CYRIB: variants seen among roughly 807,000 people sequenced by gnomAD.
CYRIB encodes the protein CYFIP-related Rac1 interactor B.
A neutral mutation model predicts 44.2 loss-of-function variants in CYRIB; 8 were observed. That is an observed-to-expected ratio of 0.18 (90% confidence interval 0.11 to 0.33). The LOEUF (loss-of-function observed/expected upper bound fraction) is 0.33. Among genes scored for constraint, CYRIB ranks in the 10% least tolerant of loss-of-function variants. The pLI, the probability that CYRIB is intolerant of heterozygous loss-of-function variation, is 1.00. For missense variants in CYRIB, 185 were observed against 382.8 expected (o/e 0.48, Z 4.31); for synonymous variants, 131 against 127.2 (o/e 1.03, Z -0.20).
intron 1 of CYRIB, among the ~76,000 whole-genome samples, chr8:130,013,078 G>C (rs1441329754): frequency 6.6e-6 from 1 of 152,206 alleles, no homozygotes; most frequent in Non-Finnish European, 1.5e-5. Context: ...ACAGAGAGAT[G>C]AATCTGGCCT....
chr8:129,951,214 G>C (rs1043523912), intron 2 of CYRIB, among the ~76,000 whole-genome samples: 4 of 152,140 alleles, frequency 2.6e-5, no homozygotes, highest in Non-Finnish European at 5.9e-5. Flanking sequence ...TGGGGCGGGA[G>C]AATCACTTGA....
At chr8:129,860,855 G>A (rs531286722) in intron 5 of CYRIB, among the ~76,000 whole-genome samples, 2 of 134,774 alleles carry the variant, frequency 1.5e-5, no homozygotes, top group East Asian at 2.3e-4. Context: ...TTGCTAGTTG[G>A]AGGCTTAAAG....
chr8:129,864,429 A>T (rs1157148781), intron 4 of CYRIB: 3 of 154,132 alleles, frequency 1.9e-5, no homozygotes, highest in Admixed American at 1.9e-4. Flanking sequence ...TATTCAGCAG[A>T]CAAGTAAATA....
At chr8:129,846,512 T>C (rs906046925) in intron 11 of CYRIB, among the ~76,000 whole-genome samples, 6 of 152,204 alleles carry the variant, frequency 3.9e-5, no homozygotes, top group Admixed American at 1.3e-4. Flanking sequence ...TATAATACTT[T>C]TATTACAAAA....
rs563481372 is a variant in CYRIB at position 129,882,260 on chromosome 8, G to T, written c.-10-2789C>A. Among the ~76,000 whole-genome samples the T allele has an allele frequency of 4.6e-5, 7 of 152,282 alleles. No homozygotes were observed. The South Asian group carries it at 1.4e-3, about 32-fold the overall frequency. ...TTCGACTCTAGCTTACTAGCTGTTT[G>T]ACCTTAAGGATGGTAGTTAACCCTT... On this transcript the variant is annotated intron_variant, in intron 2 of 11. Transcript: ENST00000519824.
chr8:129,898,279 A>G (rs1413248150), intron 2 of CYRIB, among the ~76,000 whole-genome samples: 3 of 152,108 alleles, frequency 2.0e-5, no homozygotes, highest in Non-Finnish European at 4.4e-5. Context: ...TGTGGCACAT[A>G]CAATTCATCC....
chr8:130,003,563 C>A (rs555997798), intron 1 of CYRIB, among the ~76,000 whole-genome samples: 4 of 152,322 alleles, frequency 2.6e-5, no homozygotes, highest in Admixed American at 6.5e-5. Flanking sequence ...CTTTTCAGCT[C>A]TGCCCTGCTG....
intron 1 of CYRIB, among the ~76,000 whole-genome samples, chr8:129,910,632 C>T (rs2077510768): frequency 1.3e-5 from 2 of 152,004 alleles, no homozygotes; most frequent in South Asian, 2.1e-4. Context: ...ACCATATACA[C>T]ACAAAAATTA....
exon 7 of CYRIB, chr8:129,854,284 C>G: frequency 6.2e-7 from 1 of 1,610,328 alleles, no homozygotes; most frequent in South Asian, 1.1e-5. Context: ...TGTTAATCCT[C>G]ATACGACTCA....
intron 11 of CYRIB, 36 bp downstream of exon 13, chr8:129,846,767 AT>A (rs769259064): frequency 1.2e-5 from 17 of 1,443,584 alleles, no homozygotes; most frequent in Non-Finnish European, 9.4e-7. Flanking sequence ...TTCCTTACAG[AT>A]TTTTTCTGTA....
intron 1 of CYRIB, among the ~76,000 whole-genome samples, chr8:129,933,350 T>C (rs1352468634): frequency 6.6e-6 from 1 of 152,120 alleles, no homozygotes; most frequent in African/African-American, 2.4e-5. Flanking sequence ...AGGCCAGACA[T>C]ACTAGGAGGT....
At chr8:129,909,509 ACT>A (rs542978207) in intron 1 of CYRIB, among the ~76,000 whole-genome samples, 150 of 151,552 alleles carry the variant, frequency 9.9e-4, no homozygotes, top group Non-Finnish European at 1.8e-3. Flanking sequence ...ATCATTAAAA[ACT>A]CTGCCAAAAT....
intron 1 of CYRIB, among the ~76,000 whole-genome samples, chr8:129,930,298 G>A (rs1230313076): frequency 1.5e-5 from 2 of 137,898 alleles, no homozygotes; most frequent in African/African-American, 5.3e-5. Context: ...TGAGAGACAA[G>A]GGGCAGTAAA....
At chr8:129,842,374 C>T (rs148659530) in intron 11 of CYRIB, among the ~76,000 whole-genome samples, 169 bp from the exon 14 acceptor site, 1 of 152,196 alleles carries the variant, frequency 6.6e-6, no homozygotes, top group Non-Finnish European at 1.5e-5. Flanking sequence ...GTCATCCTCA[C>T]CCCCTTTCTA....
At chr8:129,969,130 C>T (rs2095598525) in intron 2 of CYRIB, among the ~76,000 whole-genome samples, 1 of 145,470 alleles carries the variant, frequency 6.9e-6, no homozygotes, top group African/African-American at 2.5e-5. Context: ...TCTCCTGCCT[C>T]AGCCTCCTGA....
At chr8:129,844,162 T>G (rs572864508) in intron 11 of CYRIB, 1 of 152,356 alleles carries the variant, frequency 6.6e-6, no homozygotes, top group East Asian at 1.9e-4. Context: ...CCAAGCAATG[T>G]GCACAGTAAA....
chr8:129,943,911 T>TA (rs545370945), upstream of CYRIB, among the ~76,000 whole-genome samples: 813 of 108,004 alleles, frequency 7.5e-3, 6 homozygotes, highest in South Asian at 0.012. Context: ...GACTCCATCT[T>TA]AAAAAAAAAA....
chr8:129,870,363 T>A (rs984999832), intron 4 of CYRIB, among the ~76,000 whole-genome samples: 1 of 152,226 alleles, frequency 6.6e-6, no homozygotes, highest in Non-Finnish European at 1.5e-5. Context: ...TGAGCTGTGG[T>A]TGCACCACTG....
intron 1 of CYRIB, among the ~76,000 whole-genome samples, chr8:130,007,145 T>C (rs1342130981): frequency 2.0e-5 from 3 of 152,158 alleles, no homozygotes; most frequent in African/African-American, 7.2e-5. Flanking sequence ...CTTCCTTGGC[T>C]GACGAGTTTG....
Sources: gnomAD v4.1 joint callset for allele counts (sites outside exome capture counted in the v4.1 genomes callset) on GRCh38, gnomAD v4.1.1 for gene constraint, MANE v1.5 for transcripts, NCBI Gene and HGNC (gene_info 2026-07-23, HGNC 2026-07-21) for gene names.